The following GRIK2 variants were observed in gnomAD, a reference collection of about 807,000 sequenced individuals.
GRIK2 encodes glutamate receptor ionotropic, kainate 2.
In GRIK2, 32 loss-of-function variants were observed where a neutral mutation model predicts 100.3. The observed-to-expected ratio is 0.32, with a 90% CI of 0.24 to 0.43. The LOEUF (loss-of-function observed/expected upper bound fraction) is 0.43, where lower values mean the gene tolerates loss of function less well. Ranked by LOEUF, GRIK2 falls within the 20% of genes least tolerant of loss-of-function variation. GRIK2 has a pLI of 1.00. For missense variants in GRIK2, 843 were observed against 1,114.9 expected, an observed-to-expected ratio of 0.76 and a Z score of 3.47; for synonymous variants, 417 against 389.4, an observed-to-expected ratio of 1.07 and a Z score of -0.83.
chr6:101,737,862 G>A (rs1237520032), intron 7 of GRIK2, among the ~76,000 whole-genome samples: 1 of 152,064 alleles, frequency 6.6e-6, no homozygotes, highest in African/African-American at 2.4e-5. Flanking sequence ...GAAAGAAAAG[G>A]TTGAACAAAA....
chr6:101,683,492 C>T (rs1771442469), intron 6 of GRIK2, among the ~76,000 whole-genome samples: 1 of 152,088 alleles, frequency 6.6e-6, no homozygotes. Context: ...TTACTGTTAG[C>T]TCCATTTTGT....
intron 2 of GRIK2, among the ~76,000 whole-genome samples, chr6:101,602,537 G>A (rs1779267330): frequency 6.6e-6 from 1 of 151,002 alleles, no homozygotes; most frequent in Non-Finnish European, 1.5e-5. Context: ...GATTATCAGA[G>A]GGAGAGAATG....
chr6:102,006,632 T>C (rs1300790659), intron 14 of GRIK2, among the ~76,000 whole-genome samples: 1 of 151,796 alleles, frequency 6.6e-6, no homozygotes, highest in Non-Finnish European at 1.5e-5. Flanking sequence ...CCTCCCAAAG[T>C]GCTGAGATTA....
At chr6:101,461,060 C>A (rs1284498361) in intron 2 of GRIK2, among the ~76,000 whole-genome samples, 2 of 152,220 alleles carry the variant, frequency 1.3e-5, no homozygotes, top group East Asian at 1.9e-4. Flanking sequence ...AGTGATAATT[C>A]TTTTAATATT....
chr6:101,794,253 T>G (rs545589656), intron 7 of GRIK2, among the ~76,000 whole-genome samples: 28 of 152,290 alleles, frequency 1.8e-4, no homozygotes, highest in Admixed American at 1.8e-3. Context: ...CCTAGTGAGA[T>G]GAACCCGGTA....
chr6:101,459,566 T>G (rs1157463983), intron 2 of GRIK2, among the ~76,000 whole-genome samples: 1 of 152,152 alleles, frequency 6.6e-6, no homozygotes, highest in Non-Finnish European at 1.5e-5. Flanking sequence ...GAGGTTGACC[T>G]TAACTATGCA....
At chr6:101,846,371 A>G (rs1238345852) in intron 10 of GRIK2, among the ~76,000 whole-genome samples, 4 of 152,066 alleles carry the variant, frequency 2.6e-5, no homozygotes, top group East Asian at 1.9e-4. Context: ...ATTCATTTAC[A>G]TGTAGATTTT....
intron 2 of GRIK2, among the ~76,000 whole-genome samples, chr6:101,546,068 G>A (rs1286418896): frequency 1.3e-5 from 2 of 151,694 alleles, no homozygotes; most frequent in Non-Finnish European, 2.9e-5. Context: ...TAAATGTATT[G>A]CATGAACTTT....
intron 7 of GRIK2, among the ~76,000 whole-genome samples, chr6:101,699,272 A>G (rs1359858186): frequency 1.3e-5 from 2 of 152,046 alleles, no homozygotes; most frequent in African/African-American, 4.8e-5. Flanking sequence ...CATTTTTGCC[A>G]ATTGTCTCCT....
intron 7 of GRIK2, among the ~76,000 whole-genome samples, chr6:101,740,620 G>T (rs1346783156): frequency 6.6e-6 from 1 of 152,152 alleles, no homozygotes; most frequent in African/African-American, 2.4e-5. Flanking sequence ...GAATACCTTA[G>T]GCTAGGTAAT....
At chr6:101,840,153 A>C (rs1183131483) in intron 10 of GRIK2, among the ~76,000 whole-genome samples, 2 of 152,206 alleles carry the variant, frequency 1.3e-5, no homozygotes, top group African/African-American at 4.8e-5. Flanking sequence ...TTGACAAACA[A>C]TTATAAATTA....
chr6:101,910,435 GA>G, intron 12 of GRIK2, among the ~76,000 whole-genome samples: 1 of 151,104 alleles, frequency 6.6e-6, no homozygotes, highest in South Asian at 2.1e-4. Context: ...AATAACATAA[GA>G]AAAAATATAT....
intron 14 of GRIK2, among the ~76,000 whole-genome samples, chr6:101,936,774 G>C (rs546633819): frequency 6.6e-6 from 1 of 152,112 alleles, no homozygotes; most frequent in Non-Finnish European, 1.5e-5. Context: ...AGATGTGAAG[G>C]CTAGTTGGCA....
At chr6:101,860,799 A>G (rs1439368278) in intron 11 of GRIK2, 1 of 167,434 alleles carries the variant, frequency 6.0e-6, no homozygotes, top group Non-Finnish European at 1.2e-5. Flanking sequence ...GGCTGAGAAT[A>G]CAGTTTTCAA....
intron 2 of GRIK2, among the ~76,000 whole-genome samples, chr6:101,608,646 A>G (rs1035434850): frequency 5.3e-5 from 8 of 151,924 alleles, no homozygotes; most frequent in African/African-American, 1.9e-4. Flanking sequence ...AATGCACAAG[A>G]GGTTATAGAC....
chr6:101,973,162 C>T (rs573706447), intron 14 of GRIK2, among the ~76,000 whole-genome samples: 3 of 151,976 alleles, frequency 2.0e-5, no homozygotes, highest in Non-Finnish European at 1.5e-5. Context: ...GGCATAAAAA[C>T]TTCAGCGGCT....
At chr6:101,975,144 A>G (rs964906109) in intron 14 of GRIK2, among the ~76,000 whole-genome samples, 1 of 151,960 alleles carries the variant, frequency 6.6e-6, no homozygotes, top group East Asian at 1.9e-4. Context: ...GGAAAATAGT[A>G]GAGAAAAATC....
At chr6:101,930,854 G>A (rs1253955580) in intron 14 of GRIK2, among the ~76,000 whole-genome samples, 2 of 151,216 alleles carry the variant, frequency 1.3e-5, no homozygotes, top group African/African-American at 4.9e-5. Context: ...TCTCAAACAC[G>A]AGTGCCTCTA....
chr6:101,550,258 T>C (rs1449615714), intron 2 of GRIK2, among the ~76,000 whole-genome samples: 2 of 152,298 alleles, frequency 1.3e-5, no homozygotes, highest in Admixed American at 6.5e-5. Flanking sequence ...ACTACATTCA[T>C]TGATATCTTT....
Sources: allele counts gnomAD v4.1 joint callset (sites outside exome capture counted in the v4.1 genomes callset), GRCh38; gene constraint gnomAD v4.1.1; transcripts MANE v1.5; gene names NCBI Gene and HGNC (gene_info 2026-07-23, HGNC 2026-07-21).